PIK3R1: variants seen among roughly 807,000 people sequenced by gnomAD.
PIK3R1 encodes the protein phosphoinositide-3-kinase regulatory subunit 1.
A neutral mutation model predicts 98.0 loss-of-function variants in PIK3R1; 29 were observed. That is an observed-to-expected ratio of 0.30 (90% CI 0.22 to 0.40). The LOEUF (loss-of-function observed/expected upper bound fraction) is 0.40, where lower values mean the gene tolerates loss of function less well. Ranked by LOEUF, PIK3R1 falls within the 10% of genes least tolerant of loss-of-function variation. PIK3R1 has a pLI of 1.00. For missense variants in PIK3R1, 596 were observed against 872.7 expected (o/e 0.68, Z 3.99); for synonymous variants, 282 against 311.8 (o/e 0.90, Z 1.01).
Position 68,223,000 on chromosome 5 carries a change from A to G in PIK3R1, c.-386-3290A>G, listed in dbSNP as rs542842221. Among the ~76,000 whole-genome samples the G allele has an allele frequency of 3.3e-5, 5 of 151,676 alleles. No homozygotes were observed. The South Asian group carries it at 1.0e-3, about 32-fold the overall frequency. On this transcript the variant is annotated intron_variant, in intron 1 of 15. Transcript: ENST00000521381. ...TACCTGTTTTTATATAGTTATCTACACACACACACACATACATATATGACT... is the reference window on the plus strand; with the variant it reads ...TACCTGTTTTTATATAGTTATCTACGCACACACACACATACATATATGACT...
At chr5:68,279,562 T>A (rs1335566185) in intron 4 of PIK3R1, 40 bp from the exon 5 acceptor site, 1 of 1,569,820 alleles carries the variant, frequency 6.4e-7, no homozygotes, top group Non-Finnish European at 8.7e-7. Flanking sequence ...ATGTATTCTA[T>A]AAAATAAATG....
At chr5:68,258,142 G>A (rs1273096037) in intron 2 of PIK3R1, among the ~76,000 whole-genome samples, 4 of 152,198 alleles carry the variant, frequency 2.6e-5, no homozygotes, top group Admixed American at 6.5e-5. Context: ...GTGGGCACCT[G>A]TTGTAAGAAA....
In PIK3R1 at chr5:68,301,493, T is replaced by C. The variant is rs9623; in HGVS notation, c.*3892T>C. ...ATGTATATACATATATGTATATATA[T>C]GCACATATATATATGTATTTAAAAA... On this transcript the variant is annotated 3_prime_UTR_variant, in exon 16 of 16. Transcript: ENST00000521381. 0.52 allele frequency: 64,365 copies of C among 124,796 alleles called. 17,787 individuals carry two copies. The highest frequency in any genetic ancestry group is 0.75 in the African/African-American group (22,255 of 29,628). 7.7% of individuals were successfully genotyped at this position (124,796 alleles called of 1,614,324 possible).
intron 3 of PIK3R1, 149 bp downstream of exon 3, chr5:68,273,631 A>T (rs536737824): frequency 2.9e-6 from 2 of 685,530 alleles, no homozygotes; most frequent in Non-Finnish European, 5.1e-6. Context: ...TTTGGGGCTA[A>T]GTACTGGGAA....
intron 2 of PIK3R1, among the ~76,000 whole-genome samples, chr5:68,233,242 A>G (rs1744548173): frequency 6.6e-6 from 1 of 152,264 alleles, no homozygotes; most frequent in Admixed American, 6.5e-5. Context: ...TGTTAGCAGT[A>G]CAGCTGGCTC....
At chr5:68,224,192 A>C (rs774147526) in intron 1 of PIK3R1, among the ~76,000 whole-genome samples, 2 of 152,234 alleles carry the variant, frequency 1.3e-5, no homozygotes, top group Non-Finnish European at 2.9e-5. Context: ...TGTTCTTTAG[A>C]GGTCTCTGTC....
intron 1 of PIK3R1, among the ~76,000 whole-genome samples, chr5:68,225,911 C>T (rs1191077116): frequency 6.6e-6 from 1 of 152,204 alleles, no homozygotes; most frequent in Non-Finnish European, 1.5e-5. Flanking sequence ...CGTCCGACCA[C>T]ACATGCCATT....
chr5:68,264,524 T>C (rs1746042857), intron 2 of PIK3R1, among the ~76,000 whole-genome samples: 1 of 152,220 alleles, frequency 6.6e-6, no homozygotes, highest in Admixed American at 6.5e-5. Context: ...GGGACAGTGA[T>C]AATTTCTTAG....
At position 68,299,193 on chromosome 5, in the gene PIK3R1, C is replaced by A; in HGVS notation, c.*1592C>A. 1 of 233,454 alleles carries A rather than the reference C, an allele frequency of 4.3e-6. No individual in the cohort carries two copies. Among genetic ancestry groups the A allele is most frequent in the East Asian group, 6.0e-5 (1 of 16,566 alleles). The allele number at this position is 233,454 out of a possible 1,614,324, so 14.5% of individuals were successfully genotyped here. ...GGATAATCATCTCTGTCACATTAGA[C>A]TATCCATCATGACCAGCAAATACTC... On this transcript the variant is annotated 3_prime_UTR_variant, in exon 16 of 16. Coordinates refer to ENST00000521381, the MANE Select transcript of PIK3R1 (RefSeq NM_181523.3).
chr5:68,279,814 A>T (rs3815701), intron 5 of PIK3R1, 81 bp downstream of exon 5: 4 of 1,364,114 alleles, frequency 2.9e-6, no homozygotes, highest in Non-Finnish European at 1.0e-6. Context: ...CATATATAGA[A>T]ATAGTGGTTA....
In PIK3R1 at chr5:68,295,137, T is replaced by TTG. The variant is rs1747636799; in HGVS notation, c.1569-10_1569-9insGT. On this transcript the variant is annotated splice_polypyrimidine_tract_variant and intron_variant, in intron 12 of 15. Coordinates refer to ENST00000521381, the MANE Select transcript of PIK3R1 (RefSeq NM_181523.3). ...CCCAGATAATAACAAATACGTTTCT[T>TTG]TTGCCTGCAGGATTATGCATAATTA... 6.2e-7 allele frequency: 1 copy of TTG among 1,610,786 alleles called. No homozygotes were observed. The highest frequency in any genetic ancestry group is 8.5e-7 in the Non-Finnish European group (1 of 1,177,920).
rs3730077 is a variant in PIK3R1, at chr5:68,227,092, T to C, written c.334+83T>C. ...GTCTTAAGTTTGGGTTGAGTCGTTA[T>C]GTTCTGGGCAGAAGTTACCTTGGCA... On this transcript the variant is annotated intron_variant, in intron 2 of 15. Transcript: ENST00000521381. The C allele has an allele frequency of 3.3e-3, 4,170 of 1,281,746 alleles. 123 individuals are homozygous for C. The African/African-American group carries it at 0.056, about 17-fold the overall frequency. 79.4% of individuals were successfully genotyped at this position (1,281,746 alleles called of 1,614,324 possible).
intron 5 of PIK3R1, chr5:68,280,299 G>T: frequency 1.8e-6 from 1 of 558,152 alleles, no homozygotes. Flanking sequence ...ACAGCTTGTG[G>T]TTTCTTTACA....
intron 7 of PIK3R1, among the ~76,000 whole-genome samples, chr5:68,286,410 T>C (rs1399526942): frequency 1.3e-5 from 2 of 152,234 alleles, no homozygotes; most frequent in Non-Finnish European, 2.9e-5. Context: ...TACAATTATG[T>C]ACATTAGTTG....
chr5:68,260,719 A>T (rs1290322433), intron 2 of PIK3R1, among the ~76,000 whole-genome samples: 5 of 152,166 alleles, frequency 3.3e-5, no homozygotes, highest in Non-Finnish European at 5.9e-5. Context: ...GGGCAGTGAC[A>T]GTTCACCTCT....
At chr5:68,294,408 T>G (rs578045380) in intron 11 of PIK3R1, 128 bp from the exon 12 acceptor site, 1 of 587,484 alleles carries the variant, frequency 1.7e-6, no homozygotes, top group Non-Finnish European at 2.7e-6. Flanking sequence ...TGGGATACTG[T>G]TTTAATGGAT....
chr5:68,248,340 T>C (rs1175919250), intron 2 of PIK3R1, among the ~76,000 whole-genome samples: 4 of 152,192 alleles, frequency 2.6e-5, no homozygotes, highest in Non-Finnish European at 5.9e-5. Context: ...TGAATTCAGT[T>C]ACTAAGATGA....
chr5:68,236,253 T>A (rs1744664154), intron 2 of PIK3R1, among the ~76,000 whole-genome samples: 1 of 150,864 alleles, frequency 6.6e-6, no homozygotes, highest in South Asian at 2.1e-4. Flanking sequence ...TTTTTGTTTG[T>A]TTGTTTGTTT....
At chr5:68,246,336 C>G (rs1474879902) in intron 2 of PIK3R1, among the ~76,000 whole-genome samples, 1 of 138,916 alleles carries the variant, frequency 7.2e-6, no homozygotes, top group East Asian at 2.1e-4. Flanking sequence ...TTTTTTGAGA[C>G]AGAGTTTTAC....
Sources: gnomAD v4.1 joint callset for allele counts (sites outside exome capture counted in the v4.1 genomes callset) on GRCh38, gnomAD v4.1.1 for gene constraint, MANE v1.5 for transcripts, NCBI Gene and HGNC (gene_info 2026-07-23, HGNC 2026-07-21) for gene names.